Variants in EVL observed in about 807,000 individuals in gnomAD.
EVL encodes Enah/Vasp-like, also known as ena/VASP-like protein.
In EVL, 21 loss-of-function variants were observed where a neutral mutation model predicts 59.6. The observed-to-expected ratio is 0.35, with a 90% CI of 0.25 to 0.51. The LOEUF (loss-of-function observed/expected upper bound fraction) is 0.51, where lower values mean the gene tolerates loss of function less well. EVL is among the 20% of genes least tolerant of loss of function. EVL has a pLI of 0.97. For synonymous variants in EVL, 198 were observed against 203.5 expected, an observed-to-expected ratio of 0.97 and a Z score of 0.23; for missense variants, 462 against 546.6, an observed-to-expected ratio of 0.85 and a Z score of 1.54.
At chr14:100,049,398 C>G (rs1316926148) in intron 1 of EVL, among the ~76,000 whole-genome samples, 1 of 152,078 alleles carries the variant, frequency 6.6e-6, no homozygotes, top group Non-Finnish European at 1.5e-5. Flanking sequence ...TCTAGGGAGG[C>G]CTTTTTTGTC....
At chr14:100,110,242 C>T (rs1039858682) in intron 3 of EVL, among the ~76,000 whole-genome samples, 6 of 152,192 alleles carry the variant, frequency 3.9e-5, no homozygotes, top group East Asian at 1.9e-4. Flanking sequence ...AGTGTGATGG[C>T]GTGTGCCTGT....
chr14:99,988,358 C>T (rs1161633472), intron 1 of EVL, among the ~76,000 whole-genome samples: 1 of 152,086 alleles, frequency 6.6e-6, no homozygotes, highest in Non-Finnish European at 1.5e-5. Flanking sequence ...AATGAAATAC[C>T]ATTTCATACT....
chr14:100,034,501 A>G (rs1041912864), intron 1 of EVL, among the ~76,000 whole-genome samples: 1 of 151,984 alleles, frequency 6.6e-6, no homozygotes, highest in African/African-American at 2.4e-5. Context: ...ATGAATCCCA[A>G]CACTTTGGAA....
chr14:100,081,211 A>T (rs2062294636), intron 1 of EVL, among the ~76,000 whole-genome samples: 1 of 152,218 alleles, frequency 6.6e-6, no homozygotes. Context: ...TGTGTATGAT[A>T]CAGAGTTTGA....
intron 1 of EVL, among the ~76,000 whole-genome samples, chr14:100,077,866 G>A (rs959483386): frequency 2.0e-5 from 3 of 152,118 alleles, no homozygotes; most frequent in African/African-American, 4.8e-5. Context: ...TCTGCCTCCC[G>A]GGTTCACGCC....
intron 1 of EVL, among the ~76,000 whole-genome samples, chr14:100,060,306 C>T (rs1348767324): frequency 6.6e-6 from 1 of 151,796 alleles, no homozygotes; most frequent in Non-Finnish European, 1.5e-5. Context: ...TGGCGGGCGC[C>T]TGTAGTCCCA....
chr14:99,979,557 G>C (rs2060793018), intron 1 of EVL, among the ~76,000 whole-genome samples: 1 of 152,048 alleles, frequency 6.6e-6, no homozygotes, highest in African/African-American at 2.4e-5. Flanking sequence ...ACCTTGGATG[G>C]AAATATTTTT....
At chr14:100,025,486 C>T (rs1312152286) in intron 1 of EVL, among the ~76,000 whole-genome samples, 1 of 152,198 alleles carries the variant, frequency 6.6e-6, no homozygotes, top group African/African-American at 2.4e-5. Flanking sequence ...TATCCCTCTC[C>T]CCACAATGGG....
chr14:100,022,535 C>CT (rs2140204579), intron 1 of EVL, among the ~76,000 whole-genome samples: 2 of 152,196 alleles, frequency 1.3e-5, no homozygotes, highest in East Asian at 3.9e-4. Flanking sequence ...CCACCTTGGC[C>CT]CCCAGAAGTG....
At chr14:100,057,174 G>A (rs534775320) in intron 1 of EVL, among the ~76,000 whole-genome samples, 1 of 152,214 alleles carries the variant, frequency 6.6e-6, no homozygotes, top group East Asian at 1.9e-4. Flanking sequence ...ACCAGGGCAT[G>A]TGCTAGAAAC....
intron 3 of EVL, among the ~76,000 whole-genome samples, chr14:100,121,490 A>G (rs1243204102): frequency 1.3e-5 from 2 of 152,134 alleles, no homozygotes; most frequent in African/African-American, 4.8e-5. Context: ...ACAATTGAAC[A>G]TTTTCTTCGT....
At chr14:100,061,460 CAAAAAAAAAA>C (rs869039779), upstream of EVL, among the ~76,000 whole-genome samples, 8 of 64,584 alleles carry the variant, frequency 1.2e-4, no homozygotes, top group East Asian at 6.0e-4. Flanking sequence ...CCTCAGGCTG[CAAAAAAAAAA>C]AAAAAAAAAA....
intron 1 of EVL, among the ~76,000 whole-genome samples, chr14:100,070,254 A>C (rs1405321850): frequency 1.3e-5 from 2 of 152,138 alleles, no homozygotes; most frequent in East Asian, 3.9e-4. Context: ...GTGACAGAGC[A>C]AGACCCTACC....
At chr14:99,999,953 C>G (rs913302865) in intron 1 of EVL, among the ~76,000 whole-genome samples, 4 of 152,178 alleles carry the variant, frequency 2.6e-5, no homozygotes, top group African/African-American at 9.7e-5. Context: ...CATTTGAAGC[C>G]TTTAGAAGTG....
At chr14:100,054,561 A>G (rs2061697340) in intron 1 of EVL, among the ~76,000 whole-genome samples, 1 of 152,174 alleles carries the variant, frequency 6.6e-6, no homozygotes, top group Non-Finnish European at 1.5e-5. Context: ...AAATCAACCC[A>G]GAACCAGGTC....
intron 1 of EVL, among the ~76,000 whole-genome samples, chr14:100,053,201 A>G (rs1417146855): frequency 1.3e-5 from 2 of 152,214 alleles, no homozygotes; most frequent in Non-Finnish European, 2.9e-5. Flanking sequence ...AGCAGTACAC[A>G]AGCAAAAGAA....
chr14:100,097,420 G>T, intron 2 of EVL, 61 bp from the exon 3 acceptor site: 6 of 1,475,614 alleles, frequency 4.1e-6, no homozygotes, highest in Non-Finnish European at 5.5e-6. Flanking sequence ...CCATCGCAGC[G>T]CCCTCGAGCT....
rs1841363596 is a variant in EVL, at chr14:100,114,787, C to T, written c.359-8752C>T. ...CATGGGCCTCTCCTTTCACTCCCAC[C>T]TGCTCCGGGGGTGGGGGTGGGAGTG... On this transcript the variant is annotated intron_variant, in intron 3 of 13. Transcript: ENST00000392920. The surrounding 1 kb of genome is among the most constrained non-coding windows in gnomAD (Gnocchi z 5.0). 6.6e-6 allele frequency among the ~76,000 whole-genome samples: 1 copy of T among 152,166 alleles called. No individual in the cohort carries two copies. Among genetic ancestry groups the T allele is most frequent in the Admixed American group, 6.5e-5 (1 of 15,286 alleles).
upstream of EVL, among the ~76,000 whole-genome samples, chr14:100,064,886 G>T (rs1251077957): frequency 2.0e-5 from 3 of 152,130 alleles, no homozygotes; most frequent in African/African-American, 7.2e-5. Flanking sequence ...CTCCAGCCTG[G>T]GTGACAGGAG....
Sources: allele counts gnomAD v4.1 joint callset (sites outside exome capture counted in the v4.1 genomes callset), GRCh38; gene constraint gnomAD v4.1.1; non-coding constraint Gnocchi (gnomAD v3.1); transcripts MANE v1.5; gene names NCBI Gene and HGNC (gene_info 2026-07-23, HGNC 2026-07-21).